The following GRIA4 variants were observed in gnomAD, a reference collection of about 807,000 sequenced individuals.
GRIA4 encodes glutamate receptor 4.
Under a neutral mutation model 104.0 loss-of-function variants are expected in GRIA4, and 34 were observed. That is an observed-to-expected ratio of 0.33 (90% CI 0.25 to 0.44). The LOEUF is 0.44. Among genes scored for constraint, GRIA4 ranks in the 20% least tolerant of loss-of-function variants. The pLI is 1.00. For synonymous variants in GRIA4, 386 were observed against 381.9 expected, an observed-to-expected ratio of 1.01 and a Z score of -0.13; for missense variants, 750 against 1,096.5, an observed-to-expected ratio of 0.68 and a Z score of 4.46.
chr11:105,951,008 GC>G (rs1948442725), intron 14 of GRIA4, among the ~76,000 whole-genome samples: 1 of 152,256 alleles, frequency 6.6e-6, no homozygotes. Flanking sequence ...CTTTCATTAG[GC>G]CCCAGGGACT....
intron 3 of GRIA4, among the ~76,000 whole-genome samples, chr11:105,656,179 T>G (rs576406730): frequency 6.6e-6 from 1 of 152,294 alleles, no homozygotes; most frequent in Admixed American, 6.5e-5. Context: ...TTGATGAGGT[T>G]GTTTTTCCCT....
chr11:105,936,798 T>C (rs552779761), intron 14 of GRIA4, among the ~76,000 whole-genome samples: 4 of 152,234 alleles, frequency 2.6e-5, no homozygotes, highest in East Asian at 1.9e-4. Flanking sequence ...GACTGAAAAA[T>C]ATCACAGCAA....
At chr11:105,878,390 G>T (rs1042349142) in intron 5 of GRIA4, among the ~76,000 whole-genome samples, 2 of 152,158 alleles carry the variant, frequency 1.3e-5, no homozygotes, top group African/African-American at 4.8e-5. Flanking sequence ...GAGGCACAGG[G>T]GTCAGGGACC....
chr11:105,801,794 T>C (rs1219043751), intron 4 of GRIA4, among the ~76,000 whole-genome samples: 3 of 152,124 alleles, frequency 2.0e-5, no homozygotes, highest in Non-Finnish European at 4.4e-5. Flanking sequence ...GGAATTGAGT[T>C]CCTTGGTAGA....
At chr11:105,859,847 T>C (rs959663498) in intron 4 of GRIA4, among the ~76,000 whole-genome samples, 22 of 152,234 alleles carry the variant, frequency 1.4e-4, no homozygotes, top group African/African-American at 4.6e-4. Context: ...AACATGTTCA[T>C]AGGTGTCAAA....
At chr11:105,700,171 G>A (rs1953435482) in intron 3 of GRIA4, among the ~76,000 whole-genome samples, 1 of 152,240 alleles carries the variant, frequency 6.6e-6, no homozygotes, top group African/African-American at 2.4e-5. Context: ...CTGGGACGGT[G>A]ACAAAACTCA....
intron 4 of GRIA4, among the ~76,000 whole-genome samples, chr11:105,820,975 G>A (rs1272986486): frequency 6.6e-6 from 1 of 152,028 alleles, no homozygotes; most frequent in Non-Finnish European, 1.5e-5. Flanking sequence ...AGGCCTGAAC[G>A]TTTATTAGTT....
chr11:105,974,721 T>A, intron 16 of GRIA4: 1 of 611,430 alleles, frequency 1.6e-6, no homozygotes, highest in Non-Finnish European at 2.8e-6. Flanking sequence ...AGATGTACTG[T>A]TTGAAACTTT....
At chr11:105,794,469 G>GTGTATA (rs1427661928) in intron 4 of GRIA4, among the ~76,000 whole-genome samples, 16 of 40,766 alleles carry the variant, frequency 3.9e-4, no homozygotes, top group South Asian at 9.2e-4. Flanking sequence ...GTGTGTATAT[G>GTGTATA]TATGTATATA....
chr11:105,876,373 A>G (rs1181127263), intron 5 of GRIA4, among the ~76,000 whole-genome samples: 1 of 152,178 alleles, frequency 6.6e-6, no homozygotes. Flanking sequence ...GGTGTTGCTG[A>G]GAAGAATGTA....
At position 105,860,643 on chromosome 11, in the gene GRIA4, T is replaced by TGGA. The variant is rs1591362105; in HGVS notation, c.488-1381_488-1380insGGA. ...TAAATTCAAAGAATCTTTTTTTTAT[T>TGGA]CTTCTCTCACATTACAATTCAAAAA... On this transcript the variant is annotated intron_variant, in intron 4 of 16. Coordinates refer to ENST00000282499, the MANE Select transcript of GRIA4 (RefSeq NM_000829.4). 2.0e-5 allele frequency among the ~76,000 whole-genome samples: 3 copies of TGGA among 152,160 alleles called. No individual in the cohort carries two copies. In the East Asian group the frequency reaches 5.8e-4, roughly 29 times the overall value.
intron 4 of GRIA4, among the ~76,000 whole-genome samples, chr11:105,861,712 A>T (rs976794450): frequency 2.0e-5 from 3 of 152,194 alleles, no homozygotes; most frequent in Non-Finnish European, 4.4e-5. Context: ...TTGACTACAG[A>T]TGGTGGTGGA....
In GRIA4 at chr11:105,979,963, GT is replaced by G. The variant is rs939606039; in HGVS notation, c.*231del. ...TATATCAGGAAAACTCACAATTGAG[GT>G]TTTTTTCGGGGAGTGGGTGGGGGAG... On this transcript the variant is annotated 3_prime_UTR_variant, in exon 17 of 17. Coordinates refer to ENST00000282499, the MANE Select transcript of GRIA4 (RefSeq NM_000829.4). 4 of 294,174 alleles carry G rather than the reference GT, an allele frequency of 1.4e-5. No homozygotes were observed. Among genetic ancestry groups the G allele is most frequent in the East Asian group, 6.5e-5 (1 of 15,296 alleles). The allele number at this position is 294,174 out of a possible 1,614,324, so 18.2% of individuals were successfully genotyped here.
chr11:105,948,620 T>C (rs1301697670), intron 14 of GRIA4, among the ~76,000 whole-genome samples: 5 of 99,718 alleles, frequency 5.0e-5, no homozygotes, highest in African/African-American at 2.0e-4. Flanking sequence ...TTTTTTGAGA[T>C]GGAGTCTTGC....
chr11:105,701,429 T>C (rs1384755417), intron 3 of GRIA4, among the ~76,000 whole-genome samples: 1 of 152,178 alleles, frequency 6.6e-6, no homozygotes, highest in African/African-American at 2.4e-5. Flanking sequence ...AGTCCACAGA[T>C]CTCTCAAGAC....
chr11:105,763,199 A>G (rs1267202155), intron 4 of GRIA4, among the ~76,000 whole-genome samples: 1 of 152,188 alleles, frequency 6.6e-6, no homozygotes, highest in East Asian at 1.9e-4. Flanking sequence ...AGGAGAAAGC[A>G]CTCCAAGTAG....
At chr11:105,731,401 A>C (rs1591158346) in intron 3 of GRIA4, among the ~76,000 whole-genome samples, 1 of 152,304 alleles carries the variant, frequency 6.6e-6, no homozygotes, top group Middle Eastern at 3.4e-3. Context: ...GATGTGGAGA[A>C]ATAGGAACAC....
intron 4 of GRIA4, among the ~76,000 whole-genome samples, chr11:105,794,473 G>GTATATATATATATATATATATATATATA (rs71041629): frequency 2.3e-5 from 1 of 43,920 alleles, no homozygotes; most frequent in African/African-American, 1.0e-4. Context: ...GTATATGTAT[G>GTATATATATATATATATATATATATATA]TATATATATA....
At chr11:105,620,987 T>G (rs537600775) in intron 3 of GRIA4, among the ~76,000 whole-genome samples, 65 of 151,914 alleles carry the variant, frequency 4.3e-4, no homozygotes, top group African/African-American at 1.5e-3. Context: ...TCAAAATTGC[T>G]CATTTTTAGA....
Sources: gnomAD v4.1 joint callset for allele counts (sites outside exome capture counted in the v4.1 genomes callset) on GRCh38, gnomAD v4.1.1 for gene constraint, MANE v1.5 for transcripts, NCBI Gene and HGNC (gene_info 2026-07-23, HGNC 2026-07-21) for gene names.